PDE3A: variants seen among roughly 807,000 people sequenced by gnomAD.
PDE3A encodes cGMP-inhibited 3',5'-cyclic phosphodiesterase 3A.
A neutral mutation model predicts 98.3 loss-of-function variants in PDE3A; 43 were observed. That is an observed-to-expected ratio of 0.44 (90% CI 0.34 to 0.56). The LOEUF (loss-of-function observed/expected upper bound fraction) is 0.56, where lower values mean the gene tolerates loss of function less well. Among genes scored for constraint, PDE3A ranks in the 20% least tolerant of loss-of-function variants. PDE3A has a pLI of 0.01. For synonymous variants in PDE3A, 663 were observed against 567.9 expected (o/e 1.17, Z -2.38); for missense variants, 1,427 against 1,440.7 (o/e 0.99, Z 0.15).
chr12:20,637,600 A>G (rs1944548282), intron 9 of PDE3A, among the ~76,000 whole-genome samples: 1 of 152,136 alleles, frequency 6.6e-6, no homozygotes, highest in African/African-American at 2.4e-5. Context: ...TATTGTCTGT[A>G]ATTATTTTTG....
At chr12:20,635,816 G>A (rs915355971) in intron 8 of PDE3A, among the ~76,000 whole-genome samples, 31 of 150,394 alleles carry the variant, frequency 2.1e-4, no homozygotes, top group Non-Finnish European at 3.7e-4. Context: ...TATTTCATCC[G>A]GATTAAACAT....
At chr12:20,396,018 C>T (rs1944011177) in intron 1 of PDE3A, among the ~76,000 whole-genome samples, 1 of 151,974 alleles carries the variant, frequency 6.6e-6, no homozygotes, top group African/African-American at 2.4e-5. Context: ...GCCTTGGCAT[C>T]CCAAAACACT....
At chr12:20,391,159 A>G (rs1385384871) in intron 1 of PDE3A, among the ~76,000 whole-genome samples, 1 of 151,832 alleles carries the variant, frequency 6.6e-6, no homozygotes, top group East Asian at 1.9e-4. Context: ...TTATCAGTAG[A>G]GACAATCTAG....
At chr12:20,375,468 A>G (rs1258518095) in intron 1 of PDE3A, among the ~76,000 whole-genome samples, 2 of 151,998 alleles carry the variant, frequency 1.3e-5, no homozygotes, top group African/African-American at 2.4e-5. Flanking sequence ...AAAGTCTAAC[A>G]GATGTGCCTG....
intron 1 of PDE3A, among the ~76,000 whole-genome samples, chr12:20,464,738 G>C (rs998213618): frequency 2.6e-5 from 4 of 152,152 alleles, no homozygotes; most frequent in Non-Finnish European, 4.4e-5. Flanking sequence ...ATAAATTGCT[G>C]ACGTGGGATT....
chr12:20,650,218 CATT>C (rs1432365802), intron 13 of PDE3A, among the ~76,000 whole-genome samples: 1 of 150,390 alleles, frequency 6.6e-6, no homozygotes, highest in Non-Finnish European at 1.5e-5. Flanking sequence ...CCCTGTCACC[CATT>C]ATTATAATTT....
intron 1 of PDE3A, among the ~76,000 whole-genome samples, chr12:20,489,843 A>AT (rs1171032728): frequency 6.6e-6 from 1 of 152,096 alleles, no homozygotes; most frequent in Non-Finnish European, 1.5e-5. Flanking sequence ...AATGACCTGA[A>AT]TTTTTCCCAC....
chr12:20,473,385 T>C (rs73071156), intron 1 of PDE3A, among the ~76,000 whole-genome samples: 19,156 of 152,136 alleles, frequency 0.13, 1,326 homozygotes, highest in African/African-American at 0.15. Flanking sequence ...AGCTCAGGAA[T>C]CTGTATTTTC....
At chr12:20,607,373 G>A (rs1013289141) in intron 2 of PDE3A, among the ~76,000 whole-genome samples, 1 of 150,160 alleles carries the variant, frequency 6.7e-6, no homozygotes, top group East Asian at 2.0e-4. Flanking sequence ...GGAGGCTGAG[G>A]TTGCAGTGAG....
Position 20,418,580 on chromosome 12 carries a change from C to T in PDE3A, c.960+48336C>T, listed in dbSNP as rs80135038. 6.0e-3 allele frequency among the ~76,000 whole-genome samples: 907 copies of T among 152,066 alleles called. 9 individuals are homozygous for T. Among genetic ancestry groups the T allele is most frequent in the African/African-American group, 0.021 (874 of 41,482 alleles). On this transcript the variant is annotated intron_variant, in intron 1 of 15. Transcript: ENST00000359062. ...GTTTTTAAAGGCTTTCTTTTTTAAC[C>T]ACAGAATGTCAAGATAGTTATGTTC...
At chr12:20,570,428 A>AC (rs1490672802) in intron 2 of PDE3A, among the ~76,000 whole-genome samples, 3 of 150,210 alleles carry the variant, frequency 2.0e-5, no homozygotes, top group African/African-American at 7.4e-5. Context: ...AAAAAAAAAA[A>AC]AAAAAAAAAA....
intron 1 of PDE3A, among the ~76,000 whole-genome samples, chr12:20,451,486 C>T (rs1243608451): frequency 6.6e-6 from 1 of 152,116 alleles, no homozygotes; most frequent in African/African-American, 2.4e-5. Context: ...GTTGGCCAGG[C>T]TGGTCTCAAA....
intron 1 of PDE3A, among the ~76,000 whole-genome samples, chr12:20,421,294 T>G (rs1380755618): frequency 6.6e-6 from 1 of 152,174 alleles, no homozygotes; most frequent in Non-Finnish European, 1.5e-5. Context: ...AAATAAAATT[T>G]TTATGTTTTG....
chr12:20,586,123 T>C (rs940242739), intron 2 of PDE3A, among the ~76,000 whole-genome samples: 6 of 152,096 alleles, frequency 3.9e-5, no homozygotes, highest in African/African-American at 7.2e-5. Context: ...GGGGTGTGTC[T>C]TCTGTGTAAA....
At chr12:20,669,142 G>A (rs1056257305) in intron 15 of PDE3A, among the ~76,000 whole-genome samples, 1 of 151,934 alleles carries the variant, frequency 6.6e-6, no homozygotes, top group Non-Finnish European at 1.5e-5. Context: ...GAAGGGAAGT[G>A]TAGAGAAAAA....
At chr12:20,451,514 T>C (rs1293350597) in intron 1 of PDE3A, among the ~76,000 whole-genome samples, 1 of 152,158 alleles carries the variant, frequency 6.6e-6, no homozygotes, top group Non-Finnish European at 1.5e-5. Flanking sequence ...CCTCAAGTGA[T>C]CCGCCCACCT....
At chr12:20,372,285 A>AT (rs892562416) in intron 1 of PDE3A, among the ~76,000 whole-genome samples, 2 of 152,014 alleles carry the variant, frequency 1.3e-5, no homozygotes, top group East Asian at 1.9e-4. Flanking sequence ...TTTGGTCACT[A>AT]TTTTTTTTAA....
At chr12:20,607,630 C>T (rs1425103848) in intron 2 of PDE3A, among the ~76,000 whole-genome samples, 1 of 151,824 alleles carries the variant, frequency 6.6e-6, no homozygotes, top group African/African-American at 2.4e-5. Context: ...TAGGGAAATA[C>T]ACTTGCATTT....
Position 20,588,606 on chromosome 12 carries a change from C to T in PDE3A, c.1012-24837C>T, listed in dbSNP as rs147809126. ...AATTGACCCCAAGACTGAAAAATAACCAGTGCACAACAGACCTGAGCATAC... is the reference window on the plus strand; with the variant it reads ...AATTGACCCCAAGACTGAAAAATAATCAGTGCACAACAGACCTGAGCATAC... On this transcript the variant is annotated intron_variant, in intron 2 of 15. Coordinates refer to ENST00000359062, the MANE Select transcript of PDE3A (RefSeq NM_000921.5). Among the ~76,000 whole-genome samples the T allele has an allele frequency of 2.5e-3, 343 of 138,838 alleles. 2 individuals are homozygous for T. The highest frequency in any genetic ancestry group is 9.0e-3 in the African/African-American group (328 of 36,486). 91.1% of individuals were successfully genotyped at this position (138,838 alleles called of 152,430 possible).
Sources: gnomAD v4.1 joint callset for allele counts (sites outside exome capture counted in the v4.1 genomes callset) on GRCh38, gnomAD v4.1.1 for gene constraint, MANE v1.5 for transcripts, NCBI Gene and HGNC (gene_info 2026-07-23, HGNC 2026-07-21) for gene names.